Variants in TMEM135 observed in about 807,000 individuals in gnomAD.
TMEM135 encodes transmembrane protein 135, also known as peroxisomal membrane protein 52.
TMEM135 carries 30 observed loss-of-function variants against 60.3 expected under a neutral mutation model. The ratio of observed to expected loss-of-function variants is 0.50; its 90% confidence interval spans 0.37 to 0.68. The LOEUF (loss-of-function observed/expected upper bound fraction) is 0.68, where lower values mean the gene tolerates loss of function less well. TMEM135 is among the 30% of genes least tolerant of loss of function. The pLI is 0.00. For synonymous variants in TMEM135, 190 were observed against 186.7 expected (o/e 1.02, Z -0.14); for missense variants, 468 against 548.8 (o/e 0.85, Z 1.47).
At chr11:87,279,878 A>AC (rs1410890546) in intron 6 of TMEM135, among the ~76,000 whole-genome samples, 1 of 152,246 alleles carries the variant, frequency 6.6e-6, no homozygotes, top group Non-Finnish European at 1.5e-5. Context: ...TGTCAGAGAC[A>AC]GCCTGGATGA....
At chr11:87,185,951 GGCTAGA>G (rs1939643212) in intron 5 of TMEM135, among the ~76,000 whole-genome samples, 1 of 139,498 alleles carries the variant, frequency 7.2e-6, no homozygotes, top group South Asian at 2.3e-4. Flanking sequence ...TCTGTCACCA[GGCTAGA>G]GTTCAGTGGC....
In TMEM135 at chr11:87,328,124, G is replaced by A. The variant is rs555868040; in HGVS notation, c.*6791G>A. The stretch of plus-strand genomic sequence containing the variant: ...CAGGCTTTATGGCTCTATTACCCAA[G>A]AATTCTGTTACTTTCAGCTGAAAAC... On this transcript the variant is annotated 3_prime_UTR_variant, in exon 15 of 15. Transcript: ENST00000305494. 1 of 454,022 alleles carries A rather than the reference G, an allele frequency of 2.2e-6. No homozygotes were observed. Among genetic ancestry groups the A allele is most frequent in the Non-Finnish European group, 4.4e-6 (1 of 226,782 alleles). 28.1% of individuals were successfully genotyped at this position (454,022 alleles called of 1,614,324 possible).
intron 1 of TMEM135, among the ~76,000 whole-genome samples, chr11:87,046,839 A>G (rs2512370): frequency 0.68 from 103,684 of 152,082 alleles, 36,983 homozygotes; most frequent in African/African-American, 0.88. Flanking sequence ...TGAGTCTTGA[A>G]GTAAAGGAGT....
At chr11:87,236,048 G>C (rs1419104929) in intron 5 of TMEM135, among the ~76,000 whole-genome samples, 1 of 151,838 alleles carries the variant, frequency 6.6e-6, no homozygotes, top group Non-Finnish European at 1.5e-5. Flanking sequence ...TTTATTCACT[G>C]AACTGATTAT....
chr11:87,179,642 T>C (rs1450845225), intron 5 of TMEM135, among the ~76,000 whole-genome samples: 1 of 152,198 alleles, frequency 6.6e-6, no homozygotes, highest in Non-Finnish European at 1.5e-5. Context: ...TGCCTGTGTG[T>C]ATTCAGTTGT....
At chr11:87,059,008 G>A (rs969386670) in intron 1 of TMEM135, among the ~76,000 whole-genome samples, 13 of 151,504 alleles carry the variant, frequency 8.6e-5, no homozygotes, top group Non-Finnish European at 1.6e-4. Flanking sequence ...TGCAATCTTG[G>A]CTCACTGCAA....
chr11:87,244,587 A>T (rs1167966125), intron 6 of TMEM135, among the ~76,000 whole-genome samples: 2 of 81,372 alleles, frequency 2.5e-5, no homozygotes, highest in Admixed American at 1.0e-4. Flanking sequence ...GGGAGGATGT[A>T]TGTGTCGAGG....
Position 87,313,523 on chromosome 11 carries a change from T to C in TMEM135, c.1000+35T>C, listed in dbSNP as rs754300862. ...TAATAAAAATGAATGGTTATTATTG[T>C]ATTAATCAGTGGTAGGAATGAATTG... is the stretch of plus-strand genomic sequence containing the variant. On this transcript the variant is annotated intron_variant, in intron 11 of 14. Transcript: ENST00000305494. 3.3e-5 allele frequency: 50 copies of C among 1,510,644 alleles called. 1 individual carries two copies. The Admixed American group carries it at 8.2e-4, about 25-fold the overall frequency. The allele number at this position is 1,510,644 out of a possible 1,614,324, so 93.6% of individuals were successfully genotyped here.
At chr11:87,110,887 A>G (rs1029745982) in intron 4 of TMEM135, among the ~76,000 whole-genome samples, 8 of 152,182 alleles carry the variant, frequency 5.3e-5, no homozygotes, top group Admixed American at 1.3e-4. Flanking sequence ...GGTTACTAGC[A>G]TTGCGCAGTC....
chr11:87,059,054 C>T (rs1384280566), intron 1 of TMEM135, among the ~76,000 whole-genome samples: 1 of 152,056 alleles, frequency 6.6e-6, no homozygotes, highest in Non-Finnish European at 1.5e-5. Context: ...TCTCCTGCCT[C>T]AGCCTCCCAA....
intron 1 of TMEM135, among the ~76,000 whole-genome samples, chr11:87,056,553 G>T (rs2512330): frequency 0.24 from 35,794 of 152,216 alleles, 4,697 homozygotes; most frequent in East Asian, 0.52. Context: ...TCCATCAAAT[G>T]GTTGACAGAC....
intron 8 of TMEM135, among the ~76,000 whole-genome samples, 197 bp downstream of exon 8, chr11:87,302,639 A>G: frequency 1.3e-5 from 2 of 152,360 alleles, no homozygotes; most frequent in East Asian, 3.9e-4. Context: ...GTAGACCAGC[A>G]TATGCCTTTA....
intron 5 of TMEM135, among the ~76,000 whole-genome samples, chr11:87,169,091 A>T (rs2135285742): frequency 1.3e-5 from 2 of 151,554 alleles, no homozygotes; most frequent in South Asian, 4.2e-4. Flanking sequence ...TGTTGGTTTA[A>T]AGTCTGTTTT....
intron 5 of TMEM135, among the ~76,000 whole-genome samples, chr11:87,171,623 A>G (rs1002024178): frequency 6.6e-6 from 1 of 152,286 alleles, no homozygotes; most frequent in Non-Finnish European, 1.5e-5. Context: ...TCACAACTTC[A>G]GCTTTATACT....
chr11:87,096,134 C>A, intron 4 of TMEM135: 1 of 268,718 alleles, frequency 3.7e-6, no homozygotes, highest in South Asian at 4.0e-5. Context: ...CTACTTGTGC[C>A]AGTGTTGATG....
intron 6 of TMEM135, among the ~76,000 whole-genome samples, chr11:87,283,359 A>G (rs1016610027): frequency 2.0e-5 from 3 of 151,782 alleles, no homozygotes; most frequent in African/African-American, 7.3e-5. Flanking sequence ...AAAGAAAAAG[A>G]GAATAGTAGT....
chr11:87,125,356 T>C (rs542993114), intron 4 of TMEM135, among the ~76,000 whole-genome samples: 2 of 151,982 alleles, frequency 1.3e-5, no homozygotes, highest in Non-Finnish European at 2.9e-5. Flanking sequence ...GTAAGAGTAG[T>C]TGTGGGGGAG....
At chr11:87,039,048 T>C (rs180840725) in intron 1 of TMEM135, among the ~76,000 whole-genome samples, 57 of 152,326 alleles carry the variant, frequency 3.7e-4, no homozygotes, top group African/African-American at 1.3e-3. Flanking sequence ...ACAGTTTGTG[T>C]CCTAAGAAGA....
chr11:87,314,573 A>G, intron 12 of TMEM135, 26 bp downstream of exon 12: 1 of 1,578,720 alleles, frequency 6.3e-7, no homozygotes, highest in South Asian at 1.1e-5. Flanking sequence ...GTGCAAGAAT[A>G]GTTCCAAAGA....
Sources: allele counts gnomAD v4.1 joint callset (sites outside exome capture counted in the v4.1 genomes callset), GRCh38; gene constraint gnomAD v4.1.1; transcripts MANE v1.5; gene names NCBI Gene and HGNC (gene_info 2026-07-23, HGNC 2026-07-21).